Variants in CUL3 observed in about 807,000 individuals in gnomAD.
CUL3 encodes cullin 3, also known as cullin-3.
Under a neutral mutation model 89.1 loss-of-function variants are expected in CUL3, and 19 were observed. The observed-to-expected ratio is 0.21, with a 90% confidence interval of 0.15 to 0.31. The LOEUF is 0.31. CUL3 is among the 10% of genes least tolerant of loss of function. CUL3 has a pLI of 1.00. For missense variants in CUL3, 469 were observed against 942.3 expected (o/e 0.50, Z 6.58); for synonymous variants, 351 against 308.4 (o/e 1.14, Z -1.45).
At chr2:224,563,006 C>G (rs569493416) in intron 1 of CUL3, 12 of 224,112 alleles carry the variant, frequency 5.4e-5, no homozygotes, top group South Asian at 1.6e-4. Flanking sequence ...AGATTTAACA[C>G]AGCCCAGAGC....
At chr2:224,580,156 T>C (rs1695399664) in intron 1 of CUL3, among the ~76,000 whole-genome samples, 1 of 152,212 alleles carries the variant, frequency 6.6e-6, no homozygotes, top group African/African-American at 2.4e-5. Flanking sequence ...TGCATACAAA[T>C]TAAAATTTAA....
intron 2 of CUL3, among the ~76,000 whole-genome samples, chr2:224,555,830 G>C (rs898845679): frequency 6.6e-6 from 1 of 152,090 alleles, no homozygotes; most frequent in Non-Finnish European, 1.5e-5. Flanking sequence ...TCCTCCGTTT[G>C]AATTCTTAAG....
At chr2:224,555,893 C>T (rs111382814) in intron 2 of CUL3, among the ~76,000 whole-genome samples, 43 of 152,290 alleles carry the variant, frequency 2.8e-4, no homozygotes, top group African/African-American at 9.6e-4. Context: ...ATGCCTCACA[C>T]GGTTATCTAA....
chr2:224,525,266 G>C (rs1019168284), intron 3 of CUL3, among the ~76,000 whole-genome samples: 1 of 152,186 alleles, frequency 6.6e-6, no homozygotes, highest in Non-Finnish European at 1.5e-5. Context: ...ATGAGCTTTA[G>C]AATCAACTTC....
chr2:224,489,717 A>G (rs1159556925), intron 13 of CUL3, among the ~76,000 whole-genome samples: 1 of 152,240 alleles, frequency 6.6e-6, no homozygotes, highest in Non-Finnish European at 1.5e-5. Context: ...CAGAAAGAGA[A>G]AAAACTACTC....
At chr2:224,536,588 C>T (rs907560067) in intron 2 of CUL3, among the ~76,000 whole-genome samples, 1 of 152,086 alleles carries the variant, frequency 6.6e-6, no homozygotes, top group Non-Finnish European at 1.5e-5. Flanking sequence ...ATTTCATATC[C>T]CTGCCCTCCA....
chr2:224,577,737 T>C (rs939882161), intron 1 of CUL3, among the ~76,000 whole-genome samples: 7 of 152,226 alleles, frequency 4.6e-5, no homozygotes, highest in Non-Finnish European at 1.0e-4. Flanking sequence ...AGACTATTCA[T>C]AGTTTTATTC....
At chr2:224,552,892 T>G (rs1330493478) in intron 2 of CUL3, among the ~76,000 whole-genome samples, 8 of 152,224 alleles carry the variant, frequency 5.3e-5, no homozygotes, top group African/African-American at 1.9e-4. Context: ...AAAGGTATAT[T>G]CTGTGAGATT....
chr2:224,498,299 A>G (rs188054770), intron 11 of CUL3, among the ~76,000 whole-genome samples: 1 of 152,352 alleles, frequency 6.6e-6, no homozygotes, highest in Admixed American at 6.5e-5. Flanking sequence ...TTTCTTACAT[A>G]TTAAAATTAT....
intron 14 of CUL3, among the ~76,000 whole-genome samples, chr2:224,480,829 C>T (rs1691511490): frequency 6.6e-6 from 1 of 152,102 alleles, no homozygotes; most frequent in Admixed American, 6.6e-5. Flanking sequence ...TTCCATGACA[C>T]TGGCTAGCAC....
intron 3 of CUL3, among the ~76,000 whole-genome samples, chr2:224,519,186 T>C (rs1362885181): frequency 1.3e-5 from 2 of 152,264 alleles, no homozygotes; most frequent in African/African-American, 4.8e-5. Flanking sequence ...CTTTATTTCA[T>C]GTACAAATTA....
At chr2:224,504,568 A>G (rs1692517092) in intron 8 of CUL3, among the ~76,000 whole-genome samples, 1 of 152,190 alleles carries the variant, frequency 6.6e-6, no homozygotes, top group African/African-American at 2.4e-5. Flanking sequence ...TTTGCCTCCC[A>G]AAGTGCTGGG....
intron 2 of CUL3, among the ~76,000 whole-genome samples, chr2:224,545,308 TGA>T (rs1694253631): frequency 6.6e-6 from 1 of 152,126 alleles, no homozygotes; most frequent in Non-Finnish European, 1.5e-5. Flanking sequence ...ATGGCAATAG[TGA>T]TCAGAAAAAT....
chr2:224,572,572 G>A (rs1008360575), intron 1 of CUL3, among the ~76,000 whole-genome samples: 1 of 150,398 alleles, frequency 6.6e-6, no homozygotes. Flanking sequence ...GCCCTGGAGG[G>A]CATGGCTACA....
At chr2:224,564,466 G>C (rs984794958) in intron 1 of CUL3, among the ~76,000 whole-genome samples, 1 of 152,162 alleles carries the variant, frequency 6.6e-6, no homozygotes, top group African/African-American at 2.4e-5. Flanking sequence ...TACAGTACAA[G>C]ATATTTTGAG....
At chr2:224,529,169 A>C (rs1380686646) in intron 3 of CUL3, among the ~76,000 whole-genome samples, 1 of 152,184 alleles carries the variant, frequency 6.6e-6, no homozygotes, top group Non-Finnish European at 1.5e-5. Context: ...TTGTATCAAT[A>C]ATTCAGGCTG....
intron 1 of CUL3, chr2:224,563,431 T>G (rs902444097): frequency 1.2e-5 from 4 of 327,316 alleles, no homozygotes; most frequent in Non-Finnish European, 2.4e-5. Context: ...AAACAAAACT[T>G]TCCAAGTATA....
At chr2:224,549,292 T>TG in intron 2 of CUL3, among the ~76,000 whole-genome samples, 1 of 150,662 alleles carries the variant, frequency 6.6e-6, no homozygotes, top group Non-Finnish European at 1.5e-5. Flanking sequence ...CACTCCAGCC[T>TG]GGGCGACAGC....
At chr2:224,503,189 T>A (rs1692456347) in intron 9 of CUL3, 117 bp from the exon 10 acceptor site, 7 of 730,978 alleles carry the variant, frequency 9.6e-6, no homozygotes, top group Non-Finnish European at 1.4e-5. Context: ...CCTGTAAATT[T>A]TTCCAACAGT....
Sources: allele counts gnomAD v4.1 joint callset (sites outside exome capture counted in the v4.1 genomes callset), GRCh38; gene constraint gnomAD v4.1.1; transcripts MANE v1.5; gene names NCBI Gene and HGNC (gene_info 2026-07-23, HGNC 2026-07-21).